Variants in TMC4 observed in about 807,000 individuals in gnomAD.
The protein encoded by TMC4 is voltage-gated chloride channel TMC4.
A neutral mutation model predicts 82.0 loss-of-function variants in TMC4; 70 were observed. The ratio of observed to expected loss-of-function variants is 0.85; its 90% CI spans 0.70 to 1.04. The LOEUF is 1.04. TMC4 is among the 50% of genes least tolerant of loss of function. The pLI, the probability that TMC4 is intolerant of heterozygous loss-of-function variation, is 0.00. For missense variants in TMC4, 879 were observed against 899.0 expected (o/e 0.98, Z 0.28); for synonymous variants, 446 against 406.0 (o/e 1.10, Z -1.18).
chr19:54,160,434 C>T (rs755690455), intron 14 of TMC4, 33 bp downstream of exon 14: 1 of 1,610,108 alleles, frequency 6.2e-7, no homozygotes. Flanking sequence ...TCCATGTTCC[C>T]CAGGGGCCCT....
chr19:54,171,324 G>C (rs986558792), intron 2 of TMC4, among the ~76,000 whole-genome samples: 6 of 152,090 alleles, frequency 3.9e-5, no homozygotes, highest in Admixed American at 2.6e-4. Context: ...GGCCAGGCTG[G>C]TCTCGAACTC....
At chr19:54,164,794 G>A in intron 6 of TMC4, 193 bp from the exon 7 acceptor site, 1 of 712,176 alleles carries the variant, frequency 1.4e-6, no homozygotes, top group East Asian at 2.8e-5. Context: ...CCGCCCCTTC[G>A]CGGCCGGATC....
intron 2 of TMC4, among the ~76,000 whole-genome samples, chr19:54,171,112 T>TAC (rs912305861): frequency 3.3e-3 from 88 of 26,928 alleles, no homozygotes; most frequent in African/African-American, 0.015. Context: ...TGCATATATA[T>TAC]ACGCATATAT....
rs954919454 is a variant in TMC4, at chr19:54,162,676, C to G, written c.1499G>C (p.Arg500Thr). 6 of 1,613,572 alleles carry G rather than the reference C, an allele frequency of 3.7e-6. No homozygotes were observed. In the East Asian group the frequency reaches 1.3e-4, roughly 36 times the overall value. ...LAVALLIQFPRKLLCGLCPGA... is the reference protein window; with the variant it reads ...LAVALLIQFPTKLLCGLCPGA... ...CAGCAAGGGGCGGGGCTCTCACTTT[C>G]TAGGAAACTGGATGAGCAGCGCGAC... The change falls in exon 10 of 15, where the codon AGA (arginine) becomes ACA (threonine). Residue 500 changes from arginine (R) to threonine (T), a missense_variant. By Grantham distance (71) the Arg-to-Thr change is moderately conservative (BLOSUM62 -1). Coordinates refer to ENST00000619895, the MANE Select transcript of TMC4 (RefSeq NM_144686.4).
At chr19:54,162,912 T>G (rs780641301) in intron 9 of TMC4, 121 bp downstream of exon 9, 66 of 1,563,992 alleles carry the variant, frequency 4.2e-5, no homozygotes, top group Non-Finnish European at 5.2e-5. Context: ...TTTCATACCC[T>G]TGGGAGAGTG....
intron 6 of TMC4, among the ~76,000 whole-genome samples, chr19:54,165,213 G>A (rs1006567134): frequency 6.6e-6 from 1 of 151,810 alleles, no homozygotes; most frequent in Non-Finnish European, 1.5e-5. Flanking sequence ...CAGCCCTGGC[G>A]CATCCTTTTC....
chr19:54,162,313 A>C lies in TMC4; in HGVS notation c.1503-28T>G, dbSNP rs567044941. 1,825 of 1,242,540 alleles carry C rather than the reference A, an allele frequency of 1.5e-3. 34 individuals are homozygous for C. The South Asian group carries it at 0.028, about 19-fold the overall frequency. 77.0% of individuals were successfully genotyped at this position (1,242,540 alleles called of 1,614,324 possible). A position where few individuals can be genotyped will look rare whatever the true frequency, so the allele number is the denominator to read the frequency against. On this transcript the variant is annotated intron_variant, in intron 10 of 14. Transcript: ENST00000619895. The stretch of plus-strand genomic sequence containing the variant: ...GAAGGACGGGGCGGGGCCGGGCCGG[A>C]GTCAGGGGAGTGGCGGCCTGGAGTT...
Position 54,171,668 on chromosome 19 carries a change from C to T in TMC4, c.293+202G>A, listed in dbSNP as rs114774830. Among the ~76,000 whole-genome samples the T allele has an allele frequency of 5.7e-3, 862 of 152,188 alleles. 6 individuals are homozygous for T. Among genetic ancestry groups the T allele is most frequent in the African/African-American group, 0.02 (816 of 41,522 alleles). On this transcript the variant is annotated intron_variant, in intron 2 of 14. Coordinates refer to ENST00000619895, the MANE Select transcript of TMC4 (RefSeq NM_144686.4). ...CAGAGAGAAGAGACCCCAGAGCCAT[C>T]GAAAGGCAGCACTCACCTGGAGTCC... is the stretch of plus-strand genomic sequence containing the variant.
chr19:54,165,692 C>A, intron 5 of TMC4, 126 bp from the exon 6 acceptor site: 1 of 1,086,008 alleles, frequency 9.2e-7, no homozygotes, highest in South Asian at 1.7e-5. Flanking sequence ...AGGCGAGTTC[C>A]CACCAGACCA....
chr19:54,172,784 C>T, intron 1 of TMC4: 1 of 459,980 alleles, frequency 2.2e-6, no homozygotes. Context: ...CCCAGCCTCT[C>T]CTATTCCCAA....
chr19:54,164,700 C>T, intron 6 of TMC4, 99 bp from the exon 7 acceptor site: 1 of 1,472,466 alleles, frequency 6.8e-7, no homozygotes, highest in East Asian at 2.3e-5. Context: ...TTAACGTGAA[C>T]TGATGCAGCC....
At chr19:54,164,640 C>CA in intron 6 of TMC4, 39 bp from the exon 7 acceptor site, 2 of 1,607,426 alleles carry the variant, frequency 1.2e-6, no homozygotes, top group Non-Finnish European at 1.7e-6. Context: ...CTCCATTTCC[C>CA]AAGGCGCGGG....
At chr19:54,163,974 C>CTT (rs1306733122) in intron 7 of TMC4, 87 bp from the exon 8 acceptor site, 687 of 1,078,966 alleles carry the variant, frequency 6.4e-4, no homozygotes, top group African/African-American at 5.7e-3. Context: ...TCTTCTTCTT[C>CTT]TTCTTTTTTT....
chr19:54,162,536 G>C (rs1013761567), intron 10 of TMC4, 137 bp downstream of exon 10: 1 of 770,498 alleles, frequency 1.3e-6, no homozygotes, highest in South Asian at 1.6e-5. Flanking sequence ...GGAGCGGGGA[G>C]ATCTGCGGAC....
chr19:54,171,733 G>A (rs111611644), intron 2 of TMC4, 137 bp downstream of exon 2: 98 of 703,148 alleles, frequency 1.4e-4, no homozygotes, highest in African/African-American at 1.2e-3. Context: ...GAAACCAAGA[G>A]AGGCAGCTCT....
At chr19:54,167,286 G>A (rs781188910) in intron 5 of TMC4, among the ~76,000 whole-genome samples, 16 of 151,760 alleles carry the variant, frequency 1.1e-4, no homozygotes, top group Non-Finnish European at 1.8e-4. Flanking sequence ...GACTGGGTGC[G>A]GTGGCTCACA....
intron 6 of TMC4, among the ~76,000 whole-genome samples, chr19:54,165,070 C>CTTTTTTTTTT (rs34861271): frequency 1.3e-4 from 18 of 136,044 alleles, no homozygotes; most frequent in African/African-American, 4.7e-4. Flanking sequence ...AAAAAACAAA[C>CTTTTTTTTTT]TTTTTTTTTT....
chr19:54,165,623 T>A, intron 5 of TMC4, 57 bp from the exon 6 acceptor site: 1 of 1,554,794 alleles, frequency 6.4e-7, no homozygotes, highest in Non-Finnish European at 8.7e-7. Flanking sequence ...ACGGGGGTTA[T>A]GGGGAGACCC....
At chr19:54,161,085 A>G in intron 12 of TMC4, 45 bp downstream of exon 12, 1 of 1,607,798 alleles carries the variant, frequency 6.2e-7, no homozygotes, top group Non-Finnish European at 8.5e-7. Flanking sequence ...TGAACACTGA[A>G]TGGGGAGAGA....
Sources: allele counts gnomAD v4.1 joint callset (sites outside exome capture counted in the v4.1 genomes callset), GRCh38; gene constraint gnomAD v4.1.1; transcripts MANE v1.5; gene names NCBI Gene and HGNC (gene_info 2026-07-23, HGNC 2026-07-21).